Variants in DPF3 observed in about 807,000 individuals in gnomAD.
The protein encoded by DPF3 is zinc finger protein DPF3.
In DPF3, 18 loss-of-function variants were observed where a neutral mutation model predicts 56.8. That is an observed-to-expected ratio of 0.32 (90% confidence interval 0.22 to 0.47). The LOEUF is 0.47. Among genes scored for constraint, DPF3 ranks in the 20% least tolerant of loss-of-function variants. The pLI is 1.00. For missense variants in DPF3, 403 were observed against 488.8 expected, an observed-to-expected ratio of 0.82 and a Z score of 1.65; for synonymous variants, 188 against 180.2, an observed-to-expected ratio of 1.04 and a Z score of -0.35.
intron 1 of DPF3, among the ~76,000 whole-genome samples, chr14:72,820,550 A>G (rs1356840996): frequency 6.6e-6 from 1 of 152,202 alleles, no homozygotes; most frequent in East Asian, 1.9e-4. Context: ...ACATTTCTAG[A>G]ACACAATTTG....
At chr14:72,765,730 G>A (rs991088057) in intron 2 of DPF3, among the ~76,000 whole-genome samples, 12 of 152,154 alleles carry the variant, frequency 7.9e-5, no homozygotes, top group African/African-American at 2.2e-4. Context: ...GGTGGATCAC[G>A]AGGTCAGGAG....
intron 7 of DPF3, among the ~76,000 whole-genome samples, chr14:72,679,464 C>T (rs1887061969): frequency 6.6e-6 from 1 of 152,260 alleles, no homozygotes; most frequent in South Asian, 2.1e-4. Flanking sequence ...GCCCCAGCCC[C>T]AGCCCCAGCT....
At chr14:72,885,567 C>CT (rs897950541) in intron 1 of DPF3, among the ~76,000 whole-genome samples, 15 of 148,334 alleles carry the variant, frequency 1.0e-4, no homozygotes, top group East Asian at 2.0e-4. Context: ...CCACACCCGG[C>CT]TTTTTTTTTT....
At chr14:72,750,061 A>T (rs1890502802) in intron 3 of DPF3, among the ~76,000 whole-genome samples, 1 of 152,200 alleles carries the variant, frequency 6.6e-6, no homozygotes, top group Non-Finnish European at 1.5e-5. Context: ...TGACTAAAGG[A>T]ATTCCAACTA....
chr14:72,774,320 A>G (rs1265611134), intron 1 of DPF3, among the ~76,000 whole-genome samples: 1 of 150,238 alleles, frequency 6.7e-6, no homozygotes, highest in African/African-American at 2.4e-5. Context: ...GTATATACTC[A>G]GGAGTAGAAT....
At chr14:72,658,007 A>G (rs1035501076) in intron 8 of DPF3, among the ~76,000 whole-genome samples, 39 of 152,376 alleles carry the variant, frequency 2.6e-4, no homozygotes, top group African/African-American at 9.1e-4. Flanking sequence ...TAGTGTTCGC[A>G]TACTTAAAAG....
chr14:72,832,958 G>A (rs372146281), intron 1 of DPF3, among the ~76,000 whole-genome samples: 2 of 152,172 alleles, frequency 1.3e-5, no homozygotes, highest in African/African-American at 4.8e-5. Context: ...CCATGAGCAG[G>A]GGAATATGAC....
intron 8 of DPF3, among the ~76,000 whole-genome samples, chr14:72,664,184 T>C (rs890431149): frequency 7.2e-5 from 11 of 152,106 alleles, no homozygotes; most frequent in African/African-American, 2.2e-4. Context: ...TGGGCATCTG[T>C]CATCATTTCA....
intron 3 of DPF3, among the ~76,000 whole-genome samples, chr14:72,747,264 T>C (rs1890362774): frequency 6.6e-6 from 1 of 152,332 alleles, no homozygotes; most frequent in Non-Finnish European, 1.5e-5. Flanking sequence ...CAGCATGCTC[T>C]TCGGACTCTG....
chr14:72,829,823 A>C (rs1443216055), intron 1 of DPF3, among the ~76,000 whole-genome samples: 1 of 151,034 alleles, frequency 6.6e-6, no homozygotes, highest in African/African-American at 2.4e-5. Flanking sequence ...TGCTCATTGC[A>C]ACCTCACCTC....
chr14:72,865,306 C>G (rs1284555005), intron 1 of DPF3, among the ~76,000 whole-genome samples: 3 of 152,164 alleles, frequency 2.0e-5, no homozygotes, highest in African/African-American at 7.2e-5. Flanking sequence ...GAAAAGTGAG[C>G]AAACAGATCC....
intron 2 of DPF3, among the ~76,000 whole-genome samples, chr14:72,764,399 C>T (rs1398298577): frequency 6.6e-6 from 1 of 151,576 alleles, no homozygotes; most frequent in Non-Finnish European, 1.5e-5. Context: ...TACCTTGCCC[C>T]GTGTACCTCT....
chr14:72,649,159 C>T (rs536004877), intron 8 of DPF3, among the ~76,000 whole-genome samples: 2 of 152,092 alleles, frequency 1.3e-5, no homozygotes, highest in Non-Finnish European at 2.9e-5. Context: ...GAATTCCAGA[C>T]TCATATATCC....
At chr14:72,633,221 G>A (rs1437616770) in intron 8 of DPF3, among the ~76,000 whole-genome samples, 1 of 152,294 alleles carries the variant, frequency 6.6e-6, no homozygotes, top group East Asian at 1.9e-4. Flanking sequence ...GATTCCTTCT[G>A]TGTTGAGCAT....
chr14:72,772,576 T>C (rs1421893898), intron 1 of DPF3, among the ~76,000 whole-genome samples: 1 of 152,154 alleles, frequency 6.6e-6, no homozygotes, highest in Non-Finnish European at 1.5e-5. Flanking sequence ...TCATGGAGTT[T>C]AAAAAACAAA....
At chr14:72,758,276 T>G (rs748521713) in intron 2 of DPF3, among the ~76,000 whole-genome samples, 31 of 151,982 alleles carry the variant, frequency 2.0e-4, no homozygotes, top group Non-Finnish European at 3.1e-4. Context: ...ACATCAGGCA[T>G]TGAAGGACAG....
chr14:72,623,422 T>G (rs553618437), intron 9 of DPF3, among the ~76,000 whole-genome samples: 67 of 152,314 alleles, frequency 4.4e-4, no homozygotes, highest in African/African-American at 1.5e-3. Flanking sequence ...AAACAATTAA[T>G]TTGACAATAC....
Position 72,615,373 on chromosome 14 carries a change from GA to G in DPF3, c.*3923del, listed in dbSNP as rs771750422. Among the ~76,000 whole-genome samples the G allele has an allele frequency of 1.3e-5, 2 of 152,136 alleles. No homozygotes were observed. Among genetic ancestry groups the G allele is most frequent in the Non-Finnish European group, 2.9e-5 (2 of 68,016 alleles). On this transcript the variant is annotated 3_prime_UTR_variant, in exon 11 of 11. Coordinates refer to ENST00000556509, the MANE Select transcript of DPF3 (RefSeq NM_001280542.3). Reference sequence around the variant, plus strand: ...AGCACAGGTCTCCTCCACTTGCCCCGAAAGGAAAAGTAATAACAATCATCTC... The same window carrying G: ...AGCACAGGTCTCCTCCACTTGCCCCGAAGGAAAAGTAATAACAATCATCTC...
rs1041998713 is a variant in DPF3, at chr14:72,618,283, G to A, written c.*1014C>T. Reference sequence around the variant, plus strand: ...CTACGTGGAAGGAAGAAATTACTTGGAAAAAGGAATTCAGAGCGTCGCATC... The same window carrying A: ...CTACGTGGAAGGAAGAAATTACTTGAAAAAAGGAATTCAGAGCGTCGCATC... On this transcript the variant is annotated 3_prime_UTR_variant, in exon 11 of 11. Coordinates refer to ENST00000556509, the MANE Select transcript of DPF3 (RefSeq NM_001280542.3). Among the ~76,000 whole-genome samples, 1 of 152,182 alleles carries A rather than the reference G, an allele frequency of 6.6e-6. No homozygotes were observed. The highest frequency in any genetic ancestry group is 1.5e-5 in the Non-Finnish European group (1 of 68,038).
Sources: allele counts gnomAD v4.1 joint callset (sites outside exome capture counted in the v4.1 genomes callset), GRCh38; gene constraint gnomAD v4.1.1; transcripts MANE v1.5; gene names NCBI Gene and HGNC (gene_info 2026-07-23, HGNC 2026-07-21).